Variants in ARHGAP29 observed in about 807,000 individuals in gnomAD.
ARHGAP29 encodes rho GTPase-activating protein 29.
In ARHGAP29, 43 loss-of-function variants were observed where a neutral mutation model predicts 122.6. The ratio of observed to expected loss-of-function variants is 0.35; its 90% CI spans 0.27 to 0.45. The LOEUF (loss-of-function observed/expected upper bound fraction) is 0.45. ARHGAP29 is among the 20% of genes least tolerant of loss of function. The probability of loss-of-function intolerance (pLI) is 1.00; values close to 1 mark genes in which losing one functional copy is unlikely to be tolerated. For missense variants in ARHGAP29, 1,303 were observed against 1,477.2 expected (o/e 0.88, Z 1.93); for synonymous variants, 506 against 497.1 (o/e 1.02, Z -0.24).
intron 1 of ARHGAP29, among the ~76,000 whole-genome samples, chr1:94,261,687 C>T (rs1225297085): frequency 1.3e-5 from 2 of 152,114 alleles, no homozygotes; most frequent in South Asian, 4.1e-4. Flanking sequence ...CCTAAGAATA[C>T]AGCTAACAAG....
the ARHGAP29 span, among the ~76,000 whole-genome samples, chr1:94,296,293 G>A: frequency 4.6e-5 from 7 of 152,112 alleles, no homozygotes; most frequent in Non-Finnish European, 8.8e-5. Context: ...TTAGCAGATC[G>A]ACTGTTGAGG....
At chr1:94,305,305 G>T in the ARHGAP29 span, among the ~76,000 whole-genome samples, 1 of 152,190 alleles carries the variant, frequency 6.6e-6, no homozygotes, top group African/African-American at 2.4e-5. Context: ...TGCCAATCCT[G>T]AGTGGTCATG....
In ARHGAP29 at chr1:94,190,088, G is replaced by T. The variant is rs992072943; in HGVS notation, c.1282-5C>A. Reference sequence around the variant, plus strand: ...GTGGAAGAGGTTAACTGTTACCTATGGACCCAGAGACAAAAGGCAGAGTAA... The same window carrying T: ...GTGGAAGAGGTTAACTGTTACCTATTGACCCAGAGACAAAAGGCAGAGTAA... On this transcript the variant is annotated splice_region_variant and splice_polypyrimidine_tract_variant and intron_variant, in intron 12 of 22. Coordinates refer to ENST00000260526, the MANE Select transcript of ARHGAP29 (RefSeq NM_004815.4). The T allele has an allele frequency of 5.6e-6, 9 of 1,611,724 alleles. No homozygotes were observed. The Admixed American group carries it at 6.7e-5, about 12-fold the overall frequency.
intron 2 of ARHGAP29, among the ~76,000 whole-genome samples, chr1:94,224,923 CCTT>C (rs1260978992): frequency 1.3e-5 from 2 of 152,028 alleles, no homozygotes; most frequent in African/African-American, 4.8e-5. Context: ...TTCAGAAGCT[CCTT>C]AAGTTACACT....
chr1:94,270,781 A>C (rs1009537016), intron 1 of ARHGAP29, among the ~76,000 whole-genome samples: 7 of 152,244 alleles, frequency 4.6e-5, no homozygotes, highest in African/African-American at 1.7e-4. Flanking sequence ...TCAGAGACGA[A>C]CTTGAAAGAC....
At chr1:94,223,066 C>A (rs1030060853) in intron 2 of ARHGAP29, among the ~76,000 whole-genome samples, 5 of 151,950 alleles carry the variant, frequency 3.3e-5, no homozygotes, top group Non-Finnish European at 7.4e-5. Flanking sequence ...GCCTCAGCCT[C>A]CCGAGTAGTT....
intron 12 of ARHGAP29, among the ~76,000 whole-genome samples, chr1:94,198,882 C>CA (rs1017005807): frequency 6.6e-6 from 1 of 152,174 alleles, no homozygotes; most frequent in Admixed American, 6.5e-5. Flanking sequence ...CTTAAATACT[C>CA]AAACAATTCT....
intron 1 of ARHGAP29, 101 bp from the exon 2 acceptor site, chr1:94,231,744 G>A: frequency 1.2e-6 from 1 of 810,490 alleles, no homozygotes; most frequent in Non-Finnish European, 1.9e-6. Flanking sequence ...TTCACAAACA[G>A]CCCACAGCTC....
chr1:94,213,858 G>A (rs1651801815), intron 3 of ARHGAP29, among the ~76,000 whole-genome samples: 1 of 152,164 alleles, frequency 6.6e-6, no homozygotes, highest in Non-Finnish European at 1.5e-5. Flanking sequence ...GTTCAAAAAT[G>A]TTAGCTATTA....
rs530295333 is a variant in ARHGAP29, at chr1:94,256,536, C to CTT, written c.-33+18474_-33+18475dup. On this transcript the variant is annotated intron_variant and NMD_transcript_variant, in intron 1 of 25. Transcript: ENST00000552844. ...CAGAAATAGATTTAACAGTACTAAT[C>CTT]TTTTTTTTTTTTTTTTTTTTTTTTT... Among the ~76,000 whole-genome samples, 188 of 45,322 alleles carry CTT rather than the reference C, an allele frequency of 4.1e-3. 68 individuals are homozygous for CTT. The highest frequency in any genetic ancestry group is 0.022 in the East Asian group (17 of 780). 29.7% of individuals were successfully genotyped at this position (45,322 alleles called of 152,430 possible).
chr1:94,279,134 A>C (rs919988214), upstream of ARHGAP29, among the ~76,000 whole-genome samples: 1 of 152,210 alleles, frequency 6.6e-6, no homozygotes, highest in Admixed American at 6.5e-5. Flanking sequence ...TAGGTTCACT[A>C]TAATACTTCT....
chr1:94,293,381 C>A, the ARHGAP29 span, among the ~76,000 whole-genome samples: 1 of 152,244 alleles, frequency 6.6e-6, no homozygotes, highest in Non-Finnish European at 1.5e-5. Context: ...CAGGTACAGT[C>A]CACTCACTGC....
At chr1:94,179,978 T>C (rs1341061367) in intron 19 of ARHGAP29, 21 bp from the exon 20 acceptor site, 1 of 1,525,914 alleles carries the variant, frequency 6.6e-7, no homozygotes, top group South Asian at 1.2e-5. Flanking sequence ...AAAATTACAT[T>C]GGGGTAAGCA....
intron 20 of ARHGAP29, 133 bp downstream of exon 20, chr1:94,179,592 C>CAAAAAA (rs67114194): frequency 3.6e-5 from 8 of 220,894 alleles, no homozygotes; most frequent in African/African-American, 1.7e-4. Context: ...GACTCTGTCT[C>CAAAAAA]AAAAAAAAAA....
At chr1:94,202,102 A>C in intron 11 of ARHGAP29, 2 of 440,346 alleles carry the variant, frequency 4.5e-6, no homozygotes, top group South Asian at 8.2e-5. Context: ...ATAGCATTTT[A>C]TATTTATATT....
chr1:94,203,258 G>T, intron 8 of ARHGAP29, 48 bp from the exon 9 acceptor site: 2 of 1,401,978 alleles, frequency 1.4e-6, no homozygotes, highest in South Asian at 1.3e-5. Context: ...AATGGCACTA[G>T]AATTCCAAAC....
Position 94,189,223 on chromosome 1 carries a change from A to G in ARHGAP29, c.1569T>C (p.Asp523=). 4.3e-6 allele frequency: 7 copies of G among 1,609,652 alleles called. No homozygotes were observed. Among genetic ancestry groups the G allele is most frequent in the Middle Eastern group, 3.3e-4 (2 of 6,030 alleles). Residue 523 remains aspartate, a synonymous_variant, in exon 14 of 23, where the codon GAT becomes GAC. Transcript: ENST00000260526. The part of the protein sequence containing the change: ...IEEDRCSNSA[D]ITGPSFIRSW... Reference sequence around the variant, plus strand: ...TTTAGGGTGGAAAACTACCTGTTATATCTGCACTGTTAGAGCATCTGTCCT... The same window carrying G: ...TTTAGGGTGGAAAACTACCTGTTATGTCTGCACTGTTAGAGCATCTGTCCT...
intron 22 of ARHGAP29, among the ~76,000 whole-genome samples, chr1:94,175,389 G>A (rs1262778307): frequency 6.6e-6 from 1 of 152,178 alleles, no homozygotes; most frequent in Admixed American, 6.5e-5. Context: ...AGAAGCCTCA[G>A]TTCCTGCATC....
Position 94,177,911 on chromosome 1 carries a change from A to G in ARHGAP29, c.2737T>C (p.Ser913Pro), listed in dbSNP as rs1649207104. Residue 913 changes from serine (S) to proline (P), a missense_variant, in exon 21 of 23, where the codon TCA becomes CCA. Coordinates refer to ENST00000260526, the MANE Select transcript of ARHGAP29 (RefSeq NM_004815.4). ...CGTTCAATGTCTCTTTCTTCTGGTG[A>G]TAACAGAGGCTTTGGAAAACAGCCT... is the stretch of plus-strand genomic sequence containing the variant. Reference protein sequence around the residue: ...DQGCFPKPLLSPEERDIERSM... With the variant: ...DQGCFPKPLLPPEERDIERSM... The G allele has an allele frequency of 3.1e-6, 5 of 1,614,020 alleles. No homozygotes were observed. Among genetic ancestry groups the G allele is most frequent in the African/African-American group, 1.3e-5 (1 of 74,934 alleles).
Sources: gnomAD v4.1 joint callset for allele counts (sites outside exome capture counted in the v4.1 genomes callset) on GRCh38, gnomAD v4.1.1 for gene constraint, MANE v1.5 for transcripts, NCBI Gene and HGNC (gene_info 2026-07-23, HGNC 2026-07-21) for gene names.